Variants in GREB1L observed in about 807,000 individuals in gnomAD.
GREB1L encodes the protein GREB1 like retinoic acid receptor coactivator, also known as GREB1-like protein.
GREB1L carries 17 observed loss-of-function variants against 200.8 expected under a neutral mutation model. The ratio of observed to expected loss-of-function variants is 0.08; its 90% confidence interval spans 0.06 to 0.13. GREB1L has a LOEUF of 0.13. Ranked by LOEUF, GREB1L falls within the 10% of genes least tolerant of loss-of-function variation. The pLI is 1.00. For synonymous variants in GREB1L, 789 were observed against 893.0 expected (o/e 0.88, Z 2.08); for missense variants, 1,657 against 2,367.7 (o/e 0.70, Z 6.23).
At chr18:21,399,302 C>G (rs2164062) in intron 5 of GREB1L, among the ~76,000 whole-genome samples, 55,991 of 152,100 alleles carry the variant, frequency 0.37, 15,019 homozygotes, top group African/African-American at 0.73. Flanking sequence ...ATGAAGATGC[C>G]ATAATCAGAC....
chr18:21,474,158 C>G (rs2035593322), intron 16 of GREB1L, among the ~76,000 whole-genome samples: 1 of 152,142 alleles, frequency 6.6e-6, no homozygotes, highest in Admixed American at 6.5e-5. Context: ...TTATGCCTTC[C>G]CAACAGTCTC....
At chr18:21,268,612 T>G (rs2038028954) in intron 1 of GREB1L, among the ~76,000 whole-genome samples, 1 of 142,710 alleles carries the variant, frequency 7.0e-6, no homozygotes, top group East Asian at 2.0e-4. Context: ...TATATATGTT[T>G]TTTCAGGCAG....
intron 1 of GREB1L, chr18:21,363,931 G>A (rs1348588600): frequency 6.6e-6 from 1 of 152,120 alleles, no homozygotes; most frequent in East Asian, 1.9e-4. Context: ...ATAAAGTATT[G>A]GGAAATAATC....
intron 1 of GREB1L, among the ~76,000 whole-genome samples, chr18:21,281,517 T>C (rs1567920676): frequency 6.6e-6 from 1 of 152,194 alleles, no homozygotes; most frequent in Non-Finnish European, 1.5e-5. Flanking sequence ...ATCTTTTTGT[T>C]AAAGGGAAGG....
chr18:21,459,789 A>G (rs1215166039), intron 15 of GREB1L, among the ~76,000 whole-genome samples: 1 of 152,212 alleles, frequency 6.6e-6, no homozygotes, highest in Non-Finnish European at 1.5e-5. Flanking sequence ...GACACAGGGA[A>G]CAGGTGCCCA....
At chr18:21,459,279 C>CTTTTTTTTTTTTTTTTTTTTTTTTGT (rs746568414) in intron 15 of GREB1L, among the ~76,000 whole-genome samples, 1 of 85,918 alleles carries the variant, frequency 1.2e-5, no homozygotes, top group African/African-American at 5.1e-5. Context: ...TTTTTCTTTA[C>CTTTTTTTTTTTTTTTTTTTTTTTTGT]TTTTTTTTTT....
chr18:21,335,105 CAT>C, intron 1 of GREB1L, among the ~76,000 whole-genome samples: 1 of 152,336 alleles, frequency 6.6e-6, no homozygotes, highest in South Asian at 2.1e-4. Context: ...TTGTACCTAA[CAT>C]ATTTTACTGA....
intron 23 of GREB1L, among the ~76,000 whole-genome samples, chr18:21,501,500 T>A (rs2036792361): frequency 6.6e-6 from 1 of 152,226 alleles, no homozygotes; most frequent in Non-Finnish European, 1.5e-5. Flanking sequence ...TTTCTGTTCC[T>A]GTGTTAGTTT....
At chr18:21,388,104 T>C (rs1318567282) in intron 4 of GREB1L, among the ~76,000 whole-genome samples, 1 of 152,208 alleles carries the variant, frequency 6.6e-6, no homozygotes, top group East Asian at 1.9e-4. Flanking sequence ...CTTGACTTAA[T>C]GAGCATTTTT....
At chr18:21,252,671 C>T (rs548376264) in intron 1 of GREB1L, among the ~76,000 whole-genome samples, 24 of 151,986 alleles carry the variant, frequency 1.6e-4, no homozygotes, top group African/African-American at 5.6e-4. Context: ...AGTTCAAAAC[C>T]AGCCTGGCCA....
intron 1 of GREB1L, among the ~76,000 whole-genome samples, chr18:21,266,277 A>T (rs188612592): frequency 7.8e-4 from 119 of 152,294 alleles, no homozygotes; most frequent in African/African-American, 2.7e-3. Context: ...AATGATTAGG[A>T]TGGGGGAGAT....
intron 4 of GREB1L, among the ~76,000 whole-genome samples, chr18:21,389,985 A>G (rs1367743868): frequency 6.6e-6 from 1 of 152,172 alleles, no homozygotes; most frequent in Non-Finnish European, 1.5e-5. Flanking sequence ...GTGAAACAGT[A>G]TACAGTCATG....
chr18:21,358,477 G>A (rs1469227887), intron 1 of GREB1L, among the ~76,000 whole-genome samples: 1 of 152,000 alleles, frequency 6.6e-6, no homozygotes, highest in African/African-American at 2.4e-5. Context: ...CACCACACCC[G>A]GCTAATTTTT....
chr18:21,304,244 T>G (rs1472891823), intron 1 of GREB1L, among the ~76,000 whole-genome samples: 1 of 151,508 alleles, frequency 6.6e-6, no homozygotes, highest in African/African-American at 2.4e-5. Flanking sequence ...TTATTATTAT[T>G]ATTATTATTT....
chr18:21,370,385 AGAAAG>A (rs2039828125), intron 2 of GREB1L, among the ~76,000 whole-genome samples: 1 of 152,224 alleles, frequency 6.6e-6, no homozygotes, highest in Non-Finnish European at 1.5e-5. Flanking sequence ...AGCACAAAAG[AGAAAG>A]AACAAAAATA....
chr18:21,411,969 C>T (rs1195570434), intron 7 of GREB1L, among the ~76,000 whole-genome samples: 2 of 144,932 alleles, frequency 1.4e-5, no homozygotes, highest in Admixed American at 7.3e-5. Context: ...GGCGTGAACC[C>T]GGGAAGCGGA....
chr18:21,440,434 C>T, intron 9 of GREB1L, 46 bp downstream of exon 9: 1 of 1,504,034 alleles, frequency 6.6e-7, no homozygotes, highest in Non-Finnish European at 9.0e-7. Context: ...TTTTAATTAG[C>T]AGAGATATCT....
chr18:21,493,261 G>A (rs1196139777), intron 19 of GREB1L, among the ~76,000 whole-genome samples: 1 of 152,172 alleles, frequency 6.6e-6, no homozygotes, highest in East Asian at 1.9e-4. Flanking sequence ...ATGTATTGTG[G>A]TTAACTTATA....
At chr18:21,311,933 AC>A (rs2038797658) in intron 1 of GREB1L, among the ~76,000 whole-genome samples, 1 of 152,074 alleles carries the variant, frequency 6.6e-6, no homozygotes. Flanking sequence ...TCGCCCAGGT[AC>A]TAAGCCTAGT....
Sources: allele counts gnomAD v4.1 joint callset (sites outside exome capture counted in the v4.1 genomes callset), GRCh38; gene constraint gnomAD v4.1.1; transcripts MANE v1.5; gene names NCBI Gene and HGNC (gene_info 2026-07-23, HGNC 2026-07-21).